The following PSD3 variants were observed in gnomAD, a reference collection of about 807,000 sequenced individuals.
The protein encoded by PSD3 is pleckstrin and Sec7 domain containing 3.
A neutral mutation model predicts 105.5 loss-of-function variants in PSD3; 49 were observed. The observed-to-expected ratio is 0.46, with a 90% CI of 0.37 to 0.59. The LOEUF (loss-of-function observed/expected upper bound fraction) is 0.59, where lower values mean the gene tolerates loss of function less well. Ranked by LOEUF, PSD3 falls within the 20% of genes least tolerant of loss-of-function variation. PSD3 has a pLI of 0.00. For missense variants in PSD3, 1,561 were observed against 1,263.8 expected, an observed-to-expected ratio of 1.24 and a Z score of -3.57; for synonymous variants, 557 against 457.8, an observed-to-expected ratio of 1.22 and a Z score of -2.77.
intron 2 of PSD3, among the ~76,000 whole-genome samples, chr8:18,889,493 T>G (rs922332557): frequency 6.6e-6 from 1 of 152,144 alleles, no homozygotes; most frequent in African/African-American, 2.4e-5. Flanking sequence ...GGGCCATCCC[T>G]ATAGCCCAAA....
intron 1 of PSD3, among the ~76,000 whole-genome samples, chr8:19,064,095 C>G (rs907186888): frequency 6.6e-6 from 1 of 151,982 alleles, no homozygotes; most frequent in Non-Finnish European, 1.5e-5. Context: ...GAGCCAAGAT[C>G]GTGCTACTGC....
intron 1 of PSD3, among the ~76,000 whole-genome samples, chr8:18,983,779 G>A (rs771834987): frequency 5.3e-5 from 8 of 151,900 alleles, no homozygotes; most frequent in Non-Finnish European, 1.2e-4. Flanking sequence ...CAAGAGGATT[G>A]CTTGAGTCCA....
At chr8:18,614,857 A>C (rs1488526113) in intron 11 of PSD3, among the ~76,000 whole-genome samples, 2 of 151,414 alleles carry the variant, frequency 1.3e-5, no homozygotes, top group African/African-American at 4.9e-5. Context: ...GCTGGTCTCG[A>C]ACTGCTGGGC....
At chr8:18,695,624 A>C (rs1387403394) in intron 9 of PSD3, among the ~76,000 whole-genome samples, 1 of 152,238 alleles carries the variant, frequency 6.6e-6, no homozygotes, top group African/African-American at 2.4e-5. Context: ...AAGTACATGA[A>C]ACAGAACATA....
At chr8:18,638,285 G>T (rs566145443) in intron 10 of PSD3, among the ~76,000 whole-genome samples, 1 of 149,744 alleles carries the variant, frequency 6.7e-6, no homozygotes, top group African/African-American at 2.5e-5. Flanking sequence ...CACCACTTTT[G>T]TTCAACACAG....
intron 9 of PSD3, among the ~76,000 whole-genome samples, chr8:18,702,079 G>T (rs1801615381): frequency 1.3e-5 from 2 of 152,198 alleles, no homozygotes; most frequent in South Asian, 4.1e-4. Flanking sequence ...CAGGAATCCT[G>T]GGAGTGACTT....
intron 9 of PSD3, among the ~76,000 whole-genome samples, chr8:18,752,771 C>T (rs1042571171): frequency 5.6e-5 from 8 of 143,794 alleles, no homozygotes; most frequent in African/African-American, 1.3e-4. Flanking sequence ...AATAACCTTT[C>T]GAGATACGAT....
chr8:18,781,973 T>C (rs1031154942), intron 8 of PSD3, among the ~76,000 whole-genome samples: 5 of 152,114 alleles, frequency 3.3e-5, no homozygotes, highest in Admixed American at 2.0e-4. Flanking sequence ...GAGTCTGTTA[T>C]TGAAACTGAT....
In PSD3 at chr8:18,533,536, CA is replaced by C. The variant is rs1195658164; in HGVS notation, c.*2206del. On this transcript the variant is annotated 3_prime_UTR_variant, in exon 16 of 16. Transcript: ENST00000327040. ...ACTCTAAATGTCAGAAATACTGTAG[CA>C]AGGTACCATTCAATGTATATTAAAT... 1 of 152,112 alleles carries C rather than the reference CA, an allele frequency of 6.6e-6. No individual in the cohort carries two copies. The highest frequency in any genetic ancestry group is 1.5e-5 in the Non-Finnish European group (1 of 68,024). 9.4% of individuals were successfully genotyped at this position (152,112 alleles called of 1,614,324 possible).
intron 11 of PSD3, among the ~76,000 whole-genome samples, chr8:18,600,700 G>T (rs1390350020): frequency 1.4e-4 from 21 of 152,130 alleles, no homozygotes; most frequent in Admixed American, 1.4e-3. Context: ...GCAATAACTT[G>T]CTAATGGTCC....
chr8:18,915,129 G>T (rs149999271), intron 2 of PSD3, among the ~76,000 whole-genome samples: 7,471 of 152,066 alleles, frequency 0.049, 208 homozygotes, highest in Admixed American at 0.081. Flanking sequence ...CTGGGAAAAC[G>T]GAATATCCAC....
chr8:18,805,844 T>C (rs759301355), intron 4 of PSD3, among the ~76,000 whole-genome samples: 5 of 152,196 alleles, frequency 3.3e-5, no homozygotes, highest in Non-Finnish European at 5.9e-5. Context: ...TCAAATGTAA[T>C]CATTTGCTAC....
At chr8:18,769,370 G>A (rs1807298483) in intron 8 of PSD3, among the ~76,000 whole-genome samples, 1 of 152,012 alleles carries the variant, frequency 6.6e-6, no homozygotes, top group African/African-American at 2.4e-5. Flanking sequence ...AAACTTCTTT[G>A]TAAAAGTACA....
At chr8:18,635,865 C>A in intron 10 of PSD3, among the ~76,000 whole-genome samples, 1 of 129,764 alleles carries the variant, frequency 7.7e-6, no homozygotes, top group East Asian at 2.5e-4. Flanking sequence ...AGGGGAACAT[C>A]ATACACTGGG....
At chr8:18,862,331 A>G (rs1816512664) in intron 4 of PSD3, among the ~76,000 whole-genome samples, 1 of 152,024 alleles carries the variant, frequency 6.6e-6, no homozygotes, top group Non-Finnish European at 1.5e-5. Context: ...TCTGAGACCT[A>G]GAAGAGCCCC....
chr8:18,980,848 C>T (rs985185778), intron 1 of PSD3, among the ~76,000 whole-genome samples: 4 of 152,214 alleles, frequency 2.6e-5, no homozygotes, highest in African/African-American at 9.7e-5. Flanking sequence ...TAATTCGGAA[C>T]ACTGAGTGCT....
intron 9 of PSD3, among the ~76,000 whole-genome samples, chr8:18,689,825 T>C (rs975878498): frequency 1.3e-5 from 2 of 152,176 alleles, no homozygotes; most frequent in African/African-American, 4.8e-5. Flanking sequence ...GACTATTCAT[T>C]TGGACTTATT....
chr8:18,796,853 T>C (rs773230256), intron 8 of PSD3, among the ~76,000 whole-genome samples: 10 of 152,192 alleles, frequency 6.6e-5, no homozygotes, highest in Admixed American at 2.0e-4. Context: ...TCGGATCAAG[T>C]AATGGGTGGT....
chr8:18,546,208 G>A (rs556055429), intron 15 of PSD3, among the ~76,000 whole-genome samples: 5 of 152,122 alleles, frequency 3.3e-5, no homozygotes, highest in African/African-American at 1.2e-4. Flanking sequence ...TGTTCGCCAT[G>A]CTGGTCTCGA....
Sources: gnomAD v4.1 joint callset for allele counts (sites outside exome capture counted in the v4.1 genomes callset) on GRCh38, gnomAD v4.1.1 for gene constraint, MANE v1.5 for transcripts, NCBI Gene and HGNC (gene_info 2026-07-23, HGNC 2026-07-21) for gene names.